RPS6KA2: variants seen among roughly 807,000 people sequenced by gnomAD.
RPS6KA2 encodes ribosomal protein S6 kinase A2.
Under a neutral mutation model 91.8 loss-of-function variants are expected in RPS6KA2, and 42 were observed. That is an observed-to-expected ratio of 0.46 (90% CI 0.36 to 0.59). The LOEUF (loss-of-function observed/expected upper bound fraction) is 0.59, where lower values mean the gene tolerates loss of function less well. Ranked by LOEUF, RPS6KA2 falls within the 20% of genes least tolerant of loss-of-function variation. The probability of loss-of-function intolerance (pLI) is 0.00; values close to 1 mark genes in which losing one functional copy is unlikely to be tolerated. For synonymous variants in RPS6KA2, 414 were observed against 393.6 expected, an observed-to-expected ratio of 1.05 and a Z score of -0.61; for missense variants, 798 against 978.5, an observed-to-expected ratio of 0.82 and a Z score of 2.46.
In RPS6KA2 at chr6:166,671,927, G is replaced by A. The variant is rs76296397; in HGVS notation, c.124-133143C>T. Among the ~76,000 whole-genome samples, 1,297 of 152,268 alleles carry A rather than the reference G, an allele frequency of 8.5e-3. 15 individuals are homozygous for A. Among genetic ancestry groups the A allele is most frequent in the African/African-American group, 0.03 (1,246 of 41,546 alleles). On this transcript the variant is annotated intron_variant, in intron 2 of 21. Coordinates refer to the RPS6KA2 transcript ENST00000503859. ...TCAGATTCGCAGGAGGACAGCAGGGGATTAGGAAGGTCCATTCTCAGTTCA... is the reference window on the plus strand; with the variant it reads ...TCAGATTCGCAGGAGGACAGCAGGGAATTAGGAAGGTCCATTCTCAGTTCA...
chr6:166,759,257 A>G (rs962101164), intron 2 of RPS6KA2, among the ~76,000 whole-genome samples: 1 of 152,208 alleles, frequency 6.6e-6, no homozygotes. Context: ...ATAATGTAAC[A>G]TTTTTAGAAA....
At chr6:166,691,279 G>A (rs557317615) in intron 2 of RPS6KA2, among the ~76,000 whole-genome samples, 2 of 152,040 alleles carry the variant, frequency 1.3e-5, no homozygotes, top group Admixed American at 6.6e-5. Context: ...TTCACGGCCC[G>A]CATGCCAGGT....
In RPS6KA2 at chr6:166,695,977, T is replaced by G. The variant is rs186515768; in HGVS notation, c.124-157193A>C. 1.9e-3 allele frequency among the ~76,000 whole-genome samples: 293 copies of G among 152,316 alleles called. 3 individuals are homozygous for G. Among genetic ancestry groups the G allele is most frequent in the Non-Finnish European group, 3.9e-3 (263 of 68,022 alleles). ...TGCGGGAATCCAGGTTGCACACTCCTTATGAGAATCCAATGGCTGATGATC... is the reference window on the plus strand; with the variant it reads ...TGCGGGAATCCAGGTTGCACACTCCGTATGAGAATCCAATGGCTGATGATC... On this transcript the variant is annotated intron_variant, in intron 2 of 21. Coordinates refer to the RPS6KA2 transcript ENST00000503859.
At chr6:166,499,560 A>T (rs1011133486) in intron 7 of RPS6KA2, among the ~76,000 whole-genome samples, 1 of 152,110 alleles carries the variant, frequency 6.6e-6, no homozygotes, top group Non-Finnish European at 1.5e-5. Context: ...GACTCACGAG[A>T]TCTGATGGTT....
rs1201392678 is a variant in RPS6KA2, at chr6:166,600,929, G to T, written c.99+25992C>A. Among the ~76,000 whole-genome samples the T allele has an allele frequency of 2.6e-5, 4 of 152,214 alleles. No individual in the cohort carries two copies. In the East Asian group the frequency reaches 7.7e-4, roughly 29 times the overall value. ...AAATTCATCTTGCTTTTGCCTGTAG[G>T]CAGGGAGCAATTTATTAAAATACTC... On this transcript the variant is annotated intron_variant, in intron 1 of 20. Transcript: ENST00000265678.
chr6:166,667,167 T>C (rs1417518318), intron 2 of RPS6KA2, among the ~76,000 whole-genome samples: 1 of 152,220 alleles, frequency 6.6e-6, no homozygotes, highest in Non-Finnish European at 1.5e-5. Flanking sequence ...TGGAGAAAGA[T>C]GGTGGTGATG....
chr6:166,819,164 T>A (rs6930099), intron 2 of RPS6KA2, among the ~76,000 whole-genome samples: 174 of 152,042 alleles, frequency 1.1e-3, no homozygotes, highest in Non-Finnish European at 1.8e-3. Context: ...ACCCCATTGC[T>A]ACTCATTCTT....
intron 2 of RPS6KA2, chr6:166,757,993 A>G (rs1778066056): frequency 5.6e-6 from 1 of 178,158 alleles, no homozygotes; most frequent in Non-Finnish European, 1.2e-5. Context: ...ACTTAGAGGC[A>G]ATCAAATGTC....
rs550631702 is a variant in RPS6KA2 at position 166,648,252 on chromosome 6, A to G, written c.124-109468T>C. Reference sequence around the variant, plus strand: ...CGCACACACACACATTCACACAGGCACACACACTCATGTTCATACACACGC... The same window carrying G: ...CGCACACACACACATTCACACAGGCGCACACACTCATGTTCATACACACGC... On this transcript the variant is annotated intron_variant, in intron 2 of 21. Transcript: ENST00000503859. This position sits in a 1 kb window ranked among gnomAD's most constrained non-coding sequence, Gnocchi z 4.8. Among the ~76,000 whole-genome samples the G allele has an allele frequency of 3.3e-5, 5 of 151,330 alleles. No individual in the cohort carries two copies. In the East Asian group the frequency reaches 9.8e-4, roughly 30 times the overall value.
At chr6:166,525,090 CTT>C (rs1391568716) in intron 3 of RPS6KA2, among the ~76,000 whole-genome samples, 2 of 152,224 alleles carry the variant, frequency 1.3e-5, no homozygotes, top group Non-Finnish European at 2.9e-5. Flanking sequence ...CAGCCCATCT[CTT>C]AAGGTGCATG....
chr6:166,490,231 G>T lies in RPS6KA2; in HGVS notation c.818+440C>A, dbSNP rs550805592. On this transcript the variant is annotated intron_variant, in intron 9 of 20. Coordinates refer to ENST00000265678, the MANE Select transcript of RPS6KA2 (RefSeq NM_021135.6). The surrounding 1 kb of genome is among the most constrained non-coding windows in gnomAD (Gnocchi z 4.2). The stretch of plus-strand genomic sequence containing the variant: ...TGAATGGGGTCAGCAGGTGGGGAGG[G>T]AAAGGAGACCCCTGCTCCTGTGATC... Among the ~76,000 whole-genome samples the T allele has an allele frequency of 6.6e-6, 1 of 152,136 alleles. No individual in the cohort carries two copies. Among genetic ancestry groups the T allele is most frequent in the Non-Finnish European group, 1.5e-5 (1 of 68,030 alleles).
At chr6:166,705,108 A>G (rs763316988) in intron 2 of RPS6KA2, among the ~76,000 whole-genome samples, 1 of 152,164 alleles carries the variant, frequency 6.6e-6, no homozygotes, top group Non-Finnish European at 1.5e-5. Flanking sequence ...ACATCTACTC[A>G]ACATCTTATT....
intron 2 of RPS6KA2, among the ~76,000 whole-genome samples, chr6:166,786,486 G>A (rs188340139): frequency 8.4e-5 from 12 of 143,520 alleles, no homozygotes; most frequent in Admixed American, 6.1e-4. Context: ...ATGATATCAC[G>A]GATGCAAAAA....
intron 5 of RPS6KA2, among the ~76,000 whole-genome samples, chr6:166,507,806 GAC>G (rs1460761433): frequency 6.9e-6 from 1 of 144,476 alleles, no homozygotes; most frequent in Non-Finnish European, 1.5e-5. Context: ...CTTATCACAT[GAC>G]ACATGCACAC....
intron 11 of RPS6KA2, among the ~76,000 whole-genome samples, chr6:166,462,199 G>T (rs1780338103): frequency 6.6e-6 from 1 of 152,188 alleles, no homozygotes; most frequent in African/African-American, 2.4e-5. Context: ...CTTCAAGAAG[G>T]AGGACTGGAT....
chr6:166,487,494 G>A (rs1002375287), intron 10 of RPS6KA2, among the ~76,000 whole-genome samples: 4 of 152,116 alleles, frequency 2.6e-5, no homozygotes, highest in African/African-American at 7.2e-5. Context: ...GGACAAAGGC[G>A]CTGACAGTGG....
chr6:166,591,249 A>G (rs1206160643), intron 1 of RPS6KA2, among the ~76,000 whole-genome samples: 3 of 152,214 alleles, frequency 2.0e-5, no homozygotes, highest in Non-Finnish European at 4.4e-5. Flanking sequence ...AGATGTTACC[A>G]TCATTCAACG....
intron 2 of RPS6KA2, among the ~76,000 whole-genome samples, chr6:166,776,178 C>T (rs1314107421): frequency 6.6e-6 from 1 of 152,154 alleles, no homozygotes. Context: ...TCCAGCAAGA[C>T]GCCAGGCAGA....
chr6:166,734,663 GGGC>G (rs1470052452), intron 2 of RPS6KA2, among the ~76,000 whole-genome samples: 2 of 121,836 alleles, frequency 1.6e-5, no homozygotes, highest in African/African-American at 1.1e-4. Flanking sequence ...GAGTCACTGG[GGGC>G]GTGCTGATTT....
Sources: allele counts gnomAD v4.1 joint callset (sites outside exome capture counted in the v4.1 genomes callset), GRCh38; gene constraint gnomAD v4.1.1; non-coding constraint Gnocchi (gnomAD v3.1); transcripts MANE v1.5; gene names NCBI Gene and HGNC (gene_info 2026-07-23, HGNC 2026-07-21).